The following RAB38 variants were observed in gnomAD, a reference collection of about 807,000 sequenced individuals.
RAB38 encodes RAB38, member RAS oncogene family, also known as ras-related protein Rab-38.
In RAB38, 15 loss-of-function variants were observed where a neutral mutation model predicts 18.4. The ratio of observed to expected loss-of-function variants is 0.82; its 90% CI spans 0.55 to 1.26. The LOEUF is 1.26. Ranked by LOEUF, RAB38 falls within the 50% of genes most tolerant of loss-of-function variation. The pLI is 0.00. For synonymous variants in RAB38, 101 were observed against 104.4 expected (o/e 0.97, Z 0.20); for missense variants, 294 against 267.4 (o/e 1.10, Z -0.69).
At chr11:88,157,940 G>A (rs751418456) in intron 1 of RAB38, among the ~76,000 whole-genome samples, 18 of 151,864 alleles carry the variant, frequency 1.2e-4, no homozygotes, top group Non-Finnish European at 1.9e-4. Context: ...GAGCAGAACA[G>A]AATGAAATTG....
the RAB38 span, among the ~76,000 whole-genome samples, chr11:88,071,831 G>A: frequency 6.6e-6 from 1 of 152,116 alleles, no homozygotes; most frequent in Non-Finnish European, 1.5e-5. Context: ...GATACTCCAG[G>A]CCCCATACTA....
chr11:88,152,128 A>G (rs1221029006), intron 1 of RAB38, among the ~76,000 whole-genome samples: 1 of 152,204 alleles, frequency 6.6e-6, no homozygotes, highest in Admixed American at 6.5e-5. Context: ...CAGAGTGGCC[A>G]TGACATTTCA....
chr11:88,089,967 T>C, the RAB38 span, among the ~76,000 whole-genome samples: 1 of 151,874 alleles, frequency 6.6e-6, no homozygotes, highest in Non-Finnish European at 1.5e-5. Context: ...AATCCTTCAT[T>C]AGGTTGTGGG....
chr11:88,150,819 ACT>A (rs1204987389), intron 1 of RAB38, among the ~76,000 whole-genome samples: 2 of 152,042 alleles, frequency 1.3e-5, no homozygotes, highest in African/African-American at 4.8e-5. Flanking sequence ...ATAGGCTTGT[ACT>A]CTCTCTTCCG....
At chr11:88,047,013 C>T in the RAB38 span, among the ~76,000 whole-genome samples, 5 of 152,308 alleles carry the variant, frequency 3.3e-5, no homozygotes, top group East Asian at 3.9e-4. Context: ...CTTGACCTTA[C>T]TCTTTTGCCT....
At chr11:87,959,801 C>T in the RAB38 span, among the ~76,000 whole-genome samples, 2 of 152,098 alleles carry the variant, frequency 1.3e-5, no homozygotes, top group African/African-American at 4.8e-5. Flanking sequence ...ACTATATGAA[C>T]AAAACAATGT....
At chr11:87,952,847 G>C in the RAB38 span, among the ~76,000 whole-genome samples, 2 of 152,126 alleles carry the variant, frequency 1.3e-5, no homozygotes, top group Non-Finnish European at 2.9e-5. Context: ...AGAAAATGCA[G>C]ATGTATATAA....
chr11:88,054,195 A>G, the RAB38 span, among the ~76,000 whole-genome samples: 1,094 of 152,218 alleles, frequency 7.2e-3, 14 homozygotes, highest in African/African-American at 0.025. Context: ...GACAGATAAC[A>G]TTTTTCTTGC....
At chr11:87,863,197 T>G in the RAB38 span, among the ~76,000 whole-genome samples, 1 of 151,858 alleles carries the variant, frequency 6.6e-6, no homozygotes, top group Non-Finnish European at 1.5e-5. Flanking sequence ...ATATCAGTTC[T>G]GCAAAATAAA....
the RAB38 span, among the ~76,000 whole-genome samples, chr11:87,943,985 A>C: frequency 6.6e-6 from 1 of 152,160 alleles, no homozygotes; most frequent in South Asian, 2.1e-4. Flanking sequence ...TTTTTCCCTC[A>C]TATACAGACA....
chr11:87,923,364 A>G, the RAB38 span, among the ~76,000 whole-genome samples: 1 of 152,008 alleles, frequency 6.6e-6, no homozygotes, highest in Admixed American at 6.6e-5. Context: ...AATTTATTCA[A>G]AAAACAGCAG....
At chr11:88,031,284 C>T in the RAB38 span, among the ~76,000 whole-genome samples, 2 of 151,468 alleles carry the variant, frequency 1.3e-5, no homozygotes, top group African/African-American at 4.9e-5. Context: ...ACTGAATGGG[C>T]AAAAACTGGA....
intron 2 of RAB38, among the ~76,000 whole-genome samples, chr11:88,122,814 C>T (rs1942646829): frequency 6.6e-6 from 1 of 152,188 alleles, no homozygotes; most frequent in Admixed American, 6.5e-5. Flanking sequence ...TGCTTTTATT[C>T]TGGCACCTCT....
the RAB38 span, among the ~76,000 whole-genome samples, chr11:88,003,735 GTATATATTATA>G: frequency 3.9e-4 from 1 of 2,540 alleles, no homozygotes; most frequent in Non-Finnish European, 7.6e-4. Context: ...ATAATATATT[GTATATATTATA>G]TATAATATAT....
the RAB38 span, among the ~76,000 whole-genome samples, chr11:87,867,517 G>T: frequency 1.7e-4 from 26 of 151,862 alleles, no homozygotes; most frequent in African/African-American, 5.3e-4. Context: ...TCTGGAAATT[G>T]TAAGTAGAAG....
At chr11:87,924,112 C>A in the RAB38 span, among the ~76,000 whole-genome samples, 1 of 151,908 alleles carries the variant, frequency 6.6e-6, no homozygotes, top group Non-Finnish European at 1.5e-5. Flanking sequence ...TTCTGCAAAT[C>A]CCCTAACACA....
the RAB38 span, among the ~76,000 whole-genome samples, chr11:87,932,487 A>C: frequency 6.6e-6 from 1 of 152,030 alleles, no homozygotes; most frequent in African/African-American, 2.4e-5. Context: ...CTATAAGCAT[A>C]ACCAAGCTGT....
At chr11:88,068,734 A>C in the RAB38 span, among the ~76,000 whole-genome samples, 1 of 152,258 alleles carries the variant, frequency 6.6e-6, no homozygotes, top group Non-Finnish European at 1.5e-5. Context: ...CTGTTTGTGC[A>C]AGAGAATTGT....
chr11:88,049,137 T>C, the RAB38 span, among the ~76,000 whole-genome samples: 20 of 151,966 alleles, frequency 1.3e-4, no homozygotes, highest in Non-Finnish European at 2.9e-4. Context: ...CATCGCCCAT[T>C]ATCTCTCCAT....
Sources: gnomAD v4.1 joint callset for allele counts (sites outside exome capture counted in the v4.1 genomes callset) on GRCh38, gnomAD v4.1.1 for gene constraint, MANE v1.5 for transcripts, NCBI Gene and HGNC (gene_info 2026-07-23, HGNC 2026-07-21) for gene names.